The following TMEM131 variants were observed in gnomAD, a reference collection of about 807,000 sequenced individuals.
TMEM131 encodes 2610524E03Rik.
TMEM131 carries 66 observed loss-of-function variants against 211.6 expected under a neutral mutation model. That is an observed-to-expected ratio of 0.31 (90% CI 0.26 to 0.38). TMEM131 has a LOEUF of 0.38. Ranked by LOEUF, TMEM131 falls within the 10% of genes least tolerant of loss-of-function variation. TMEM131 has a pLI of 1.00. For missense variants in TMEM131, 2,036 were observed against 2,299.3 expected, an observed-to-expected ratio of 0.89 and a Z score of 2.34; for synonymous variants, 844 against 841.3, an observed-to-expected ratio of 1.00 and a Z score of -0.06.
intron 3 of TMEM131, among the ~76,000 whole-genome samples, chr2:97,904,641 G>A (rs1336796632): frequency 1.3e-5 from 2 of 152,094 alleles, no homozygotes; most frequent in Admixed American, 1.3e-4. Context: ...TACGGTTTCT[G>A]ATATGTTTGG....
intron 1 of TMEM131, among the ~76,000 whole-genome samples, chr2:97,973,456 A>C (rs1039149467): frequency 1.3e-5 from 2 of 152,114 alleles, no homozygotes; most frequent in Non-Finnish European, 2.9e-5. Context: ...AAACAGTGGT[A>C]GAGCTTGGTG....
intron 3 of TMEM131, among the ~76,000 whole-genome samples, chr2:97,895,189 G>GTTGAACCAGCCT (rs1303997963): frequency 6.6e-6 from 1 of 152,150 alleles, no homozygotes; most frequent in Admixed American, 6.5e-5. Flanking sequence ...ATTTGCATAC[G>GTTGAACCAGCCT]TTGAACCAGC....
At chr2:97,801,171 T>C (rs962071287) in intron 25 of TMEM131, among the ~76,000 whole-genome samples, 2 of 152,156 alleles carry the variant, frequency 1.3e-5, no homozygotes, top group African/African-American at 4.8e-5. Flanking sequence ...CATGATACAA[T>C]GGTAAGGGCA....
At chr2:97,767,197 T>G (rs1011299502) in intron 33 of TMEM131, among the ~76,000 whole-genome samples, 1 of 152,182 alleles carries the variant, frequency 6.6e-6, no homozygotes, top group Non-Finnish European at 1.5e-5. Context: ...GCAAAAAAAT[T>G]AAATATATTT....
intron 12 of TMEM131, among the ~76,000 whole-genome samples, chr2:97,817,688 T>C (rs1049236153): frequency 6.6e-6 from 1 of 152,210 alleles, no homozygotes; most frequent in Admixed American, 6.5e-5. Context: ...CCCACCTCCG[T>C]AGCTGCTCCA....
chr2:97,766,734 A>T, intron 33 of TMEM131, 132 bp from the exon 34 acceptor site: 2 of 1,090,720 alleles, frequency 1.8e-6, no homozygotes, highest in African/African-American at 3.1e-5. Context: ...GGCGTTATCT[A>T]CCCTTGGTCC....
intron 2 of TMEM131, among the ~76,000 whole-genome samples, chr2:97,920,703 C>T (rs944650238): frequency 1.3e-5 from 2 of 152,132 alleles, no homozygotes; most frequent in Non-Finnish European, 2.9e-5. Context: ...CAGCAATATG[C>T]TTCAACCTAA....
intron 11 of TMEM131, among the ~76,000 whole-genome samples, chr2:97,827,068 CAAAA>C (rs66841026): frequency 1.7e-4 from 16 of 93,670 alleles, no homozygotes; most frequent in Non-Finnish European, 2.0e-4. Flanking sequence ...AAGTGATAAG[CAAAA>C]AAAAAAAAAA....
intron 2 of TMEM131, among the ~76,000 whole-genome samples, chr2:97,926,122 A>G (rs1676983057): frequency 6.6e-6 from 1 of 152,066 alleles, no homozygotes; most frequent in African/African-American, 2.4e-5. Context: ...CAAAAAAAAA[A>G]AAAAAAATTA....
At chr2:97,776,566 G>A (rs1679743334) in intron 31 of TMEM131, among the ~76,000 whole-genome samples, 3 of 152,120 alleles carry the variant, frequency 2.0e-5, no homozygotes, top group Non-Finnish European at 2.9e-5. Context: ...CATTTTAAGG[G>A]TACAGTTCAG....
intron 1 of TMEM131, among the ~76,000 whole-genome samples, chr2:97,985,946 T>TAA (rs1559492068): frequency 2.0e-5 from 3 of 148,524 alleles, no homozygotes; most frequent in African/African-American, 7.5e-5. Context: ...CAGAAACCAT[T>TAA]TAAAAAAAAA....
At chr2:97,859,165 T>C (rs1673965997) in intron 5 of TMEM131, 139 bp downstream of exon 5, 1 of 898,544 alleles carries the variant, frequency 1.1e-6, no homozygotes, top group Non-Finnish European at 1.6e-6. Flanking sequence ...AAGTAATCAT[T>C]CTTAGGAAGT....
intron 2 of TMEM131, among the ~76,000 whole-genome samples, chr2:97,917,080 T>C (rs1004626857): frequency 1.3e-5 from 2 of 152,204 alleles, no homozygotes; most frequent in African/African-American, 4.8e-5. Flanking sequence ...TGGGAGAACA[T>C]TAAAGCCCAT....
chr2:97,862,257 G>A (rs930277068), intron 4 of TMEM131, among the ~76,000 whole-genome samples: 1 of 152,142 alleles, frequency 6.6e-6, no homozygotes, highest in Non-Finnish European at 1.5e-5. Flanking sequence ...CCAAGAAGAA[G>A]GGGTACAAAC....
At chr2:97,873,051 C>T (rs1278944678) in intron 4 of TMEM131, among the ~76,000 whole-genome samples, 3 of 152,196 alleles carry the variant, frequency 2.0e-5, no homozygotes, top group Non-Finnish European at 2.9e-5. Context: ...GACAATGGAG[C>T]TTGGTGGGGG....
chr2:97,766,343 G>A, intron 34 of TMEM131, 80 bp from the exon 35 acceptor site: 1 of 1,601,660 alleles, frequency 6.2e-7, no homozygotes, highest in Non-Finnish European at 8.5e-7. Flanking sequence ...ACCTTCTAAT[G>A]AGGACAAGAA....
chr2:97,793,603 A>T, intron 29 of TMEM131, 50 bp from the exon 30 acceptor site: 3 of 1,526,022 alleles, frequency 2.0e-6, no homozygotes, highest in Non-Finnish European at 2.7e-6. Context: ...GTTAGTAGAC[A>T]AGCAACAAAA....
Position 97,814,380 on chromosome 2 carries a change from C to A in TMEM131, c.1301G>T (p.Gly434Val), listed in dbSNP as rs1296799656. 3 of 1,590,358 alleles carry A rather than the reference C, an allele frequency of 1.9e-6. No homozygotes were observed. The change falls in exon 14 of 41, where the codon GGA becomes GTA. Residue 434 changes from glycine (G) to valine (V), a missense_variant. Around this residue, in one of 3 missense-constraint regions of TMEM131, gnomAD observed 1,623 missense variants for 1,805.9 expected, o/e 0.90. Transcript: ENST00000186436. ...AAATAATGTTGCAGCATGATCAAAT[C>A]CCAAATAACTATTAAAAAAAACAAC... is the stretch of plus-strand genomic sequence containing the variant. Reference protein sequence around the residue: ...YQAEVLDGYLGFDHAATLFHI... With the variant: ...YQAEVLDGYLVFDHAATLFHI...
intron 1 of TMEM131, among the ~76,000 whole-genome samples, chr2:97,986,265 T>C (rs944589594): frequency 6.6e-6 from 1 of 152,026 alleles, no homozygotes; most frequent in Non-Finnish European, 1.5e-5. Context: ...TACAGTATGG[T>C]TGAGATGTGA....
Sources: gnomAD v4.1 joint callset for allele counts (sites outside exome capture counted in the v4.1 genomes callset) on GRCh38, gnomAD v4.1.1 for gene constraint, gnomAD v4.1.1 regional missense constraint, MANE v1.5 for transcripts, NCBI Gene and HGNC (gene_info 2026-07-23, HGNC 2026-07-21) for gene names.